ALKBH6: variants seen among roughly 807,000 people sequenced by gnomAD.
The protein encoded by ALKBH6 is alkB homolog 6, nucleotide demethylase, also known as probable RNA/DNA demethylase ALKBH6.
In ALKBH6, 20 loss-of-function variants were observed where a neutral mutation model predicts 25.1. That is an observed-to-expected ratio of 0.80 (90% CI 0.56 to 1.16). The LOEUF is 1.16. ALKBH6 is among the 50% of genes most tolerant of loss of function. The pLI is 0.00. For synonymous variants in ALKBH6, 156 were observed against 147.5 expected (o/e 1.06, Z -0.42); for missense variants, 263 against 326.5 (o/e 0.81, Z 1.50).
In ALKBH6 at chr19:36,009,353, C is replaced by T. The variant is rs1310406419; in HGVS notation, c.654G>A (p.Arg218=). Residue 218 remains arginine, a synonymous_variant, in exon 7 of 7, where the codon CGG becomes CGA. Coordinates refer to ENST00000378875, the MANE Select transcript of ALKBH6 (RefSeq NM_032878.5). The stretch of plus-strand genomic sequence containing the variant: ...GCACGCGGCGGATGGTCAGCGAGAC[C>T]CGGGTGCCGCGCACCAGGCAGGCTC... ...RPGACLVRGT[R]VSLTIRRVPR... The T allele has an allele frequency of 7.6e-6, 10 of 1,307,830 alleles. No individual in the cohort carries two copies. Among genetic ancestry groups the T allele is most frequent in the Non-Finnish European group, 9.7e-6 (10 of 1,027,942 alleles). 81.0% of individuals were successfully genotyped at this position (1,307,830 alleles called of 1,614,324 possible). A position where few individuals can be genotyped will look rare whatever the true frequency, so the allele number is the denominator to read the frequency against.
Position 36,010,807 on chromosome 19 carries a change from A to G in ALKBH6, c.336+87T>C. The stretch of plus-strand genomic sequence containing the variant: ...GCCTGTTTGGGAGATGTGGCTGCCT[A>G]ATGAGTGAGGGTGGGTACAGAGTCC... On this transcript the variant is annotated intron_variant, in intron 5 of 6. Transcript: ENST00000378875. This position sits in a 1 kb window ranked among gnomAD's most constrained non-coding sequence, Gnocchi z 5.5. 1 of 1,579,410 alleles carries G rather than the reference A, an allele frequency of 6.3e-7. No individual in the cohort carries two copies. Among genetic ancestry groups the G allele is most frequent in the Non-Finnish European group, 8.7e-7 (1 of 1,149,660 alleles).
In ALKBH6 at chr19:36,009,183, T is replaced by C. The variant is rs879139101; in HGVS notation, c.*107A>G. 121 of 1,212,238 alleles carry C rather than the reference T, an allele frequency of 1.0e-4. No individual in the cohort carries two copies. The East Asian group carries it at 3.3e-3, about 33-fold the overall frequency. 75.1% of individuals were successfully genotyped at this position (1,212,238 alleles called of 1,614,324 possible). On this transcript the variant is annotated 3_prime_UTR_variant, in exon 7 of 7. Transcript: ENST00000378875. Reference sequence around the variant, plus strand: ...AGCTCACACAAAATTATTGGGAAAATAAATAACCCAGGGGAGCCCCCTTTG... The same window carrying C: ...AGCTCACACAAAATTATTGGGAAAACAAATAACCCAGGGGAGCCCCCTTTG...
rs201735546 is a variant in ALKBH6, at chr19:36,013,025, C to T, written c.119G>A (p.Arg40Gln). 3.7e-6 allele frequency: 6 copies of T among 1,613,496 alleles called. No homozygotes were observed. Among genetic ancestry groups the T allele is most frequent in the East Asian group, 2.2e-5 (1 of 44,878 alleles). Residue 40 changes from arginine to glutamine, a missense_variant, in exon 3 of 7, where the codon CGA becomes CAA. By Grantham distance (43) the Arg-to-Gln change is conservative (BLOSUM62 1). Coordinates refer to ENST00000378875, the MANE Select transcript of ALKBH6 (RefSeq NM_032878.5). The surrounding 1 kb of genome is among the most constrained non-coding windows in gnomAD (Gnocchi z 4.6). ...CCAGTAGGGCACTGAGGTCACCTGT[C>T]GAAGCAAATACTCCTCCTCTTCTTT... is the stretch of plus-strand genomic sequence containing the variant. ...ISKEEEEYLL[R>Q]QVFNAPKPKW...
In ALKBH6 at chr19:36,013,238, T is replaced by C. The variant is rs1968666243; in HGVS notation, c.54+106A>G. 1.3e-6 allele frequency: 2 copies of C among 1,505,248 alleles called. No individual in the cohort carries two copies. Among genetic ancestry groups the C allele is most frequent in the East Asian group, 4.5e-5 (2 of 44,262 alleles). The allele number at this position is 1,505,248 out of a possible 1,614,324, so 93.2% of individuals were successfully genotyped here. On this transcript the variant is annotated intron_variant, in intron 2 of 6. Transcript: ENST00000378875. The surrounding 1 kb of genome is among the most constrained non-coding windows in gnomAD (Gnocchi z 4.6). ...TCAAGGGACCAGTGCCATTCCAGAATGGACTCTGACAGTAAGAATGAATTT... is the reference window on the plus strand; with the variant it reads ...TCAAGGGACCAGTGCCATTCCAGAACGGACTCTGACAGTAAGAATGAATTT...
rs752967910 is a variant in ALKBH6 at position 36,013,101 on chromosome 19, A to G, written c.55-12T>C. 6.2e-7 allele frequency: 1 copy of G among 1,612,650 alleles called. No individual in the cohort carries two copies. The highest frequency in any genetic ancestry group is 1.1e-5 in the South Asian group (1 of 91,062). Reference sequence around the variant, plus strand: ...ATTACAGGTGGTGCCTAGGATAGAAAGACCCCCTGAAGGTGTGGCCCTTCA... The same window carrying G: ...ATTACAGGTGGTGCCTAGGATAGAAGGACCCCCTGAAGGTGTGGCCCTTCA... On this transcript the variant is annotated splice_polypyrimidine_tract_variant and intron_variant, in intron 2 of 6. Transcript: ENST00000378875. The surrounding 1 kb of genome is among the most constrained non-coding windows in gnomAD (Gnocchi z 4.6).
At chr19:36,009,608 G>GTGCTGGGGGGGGGGGGGGGGGGCC in intron 6 of ALKBH6, 55 bp from the exon 7 acceptor site, 1 of 336,932 alleles carries the variant, frequency 3.0e-6, no homozygotes, top group Non-Finnish European at 4.5e-6. Flanking sequence ...GTGGGGGTGG[G>GTGCTGGGGGGGGGGGGGGGGGGCC]CGAGAGGTCG....
In ALKBH6 at chr19:36,009,389, C is replaced by T. The variant is rs909548117; in HGVS notation, c.618G>A (p.Ser206=). 1 of 1,257,012 alleles carries T rather than the reference C, an allele frequency of 8.0e-7. No homozygotes were observed. The highest frequency in any genetic ancestry group is 1.0e-6 in the Non-Finnish European group (1 of 1,002,316). The allele number at this position is 1,257,012 out of a possible 1,614,324, so 77.9% of individuals were successfully genotyped here. A position where few individuals can be genotyped will look rare whatever the true frequency, so the allele number is the denominator to read the frequency against. Residue 206 remains serine, a synonymous_variant, in exon 7 of 7, where the codon TCG becomes TCA. Coordinates refer to ENST00000378875, the MANE Select transcript of ALKBH6 (RefSeq NM_032878.5). ...SSPPNAAACP[S]ARPGACLVRG... is the part of the protein sequence containing the mutation. Reference sequence around the variant, plus strand: ...GCACCAGGCAGGCTCCCGGCCGCGCCGACGGGCAGGCTGCCGCATTGGGCG... The same window carrying T: ...GCACCAGGCAGGCTCCCGGCCGCGCTGACGGGCAGGCTGCCGCATTGGGCG...
intron 3 of ALKBH6, 48 bp downstream of exon 3, chr19:36,012,973 G>C (rs1024867195): frequency 6.5e-6 from 10 of 1,547,786 alleles, no homozygotes; most frequent in Non-Finnish European, 8.0e-6. Flanking sequence ...ACATTGGGGA[G>C]GAATATGGGA....
rs575786004 is a variant in ALKBH6, at chr19:36,011,112, G to A, written c.185-67C>T. 432 of 1,538,260 alleles carry A rather than the reference G, an allele frequency of 2.8e-4. 6 individuals carry two copies. In the South Asian group the frequency reaches 5.0e-3, roughly 18 times the overall value. On this transcript the variant is annotated intron_variant, in intron 4 of 6. Coordinates refer to ENST00000378875, the MANE Select transcript of ALKBH6 (RefSeq NM_032878.5). ...TAGATCCCCCATTAGGGATTCCACA[G>A]TGGCTGGAAGCACCCTGATCCTCTC...
chr19:36,012,720 GGCTATTTTA>G, intron 3 of ALKBH6: 1 of 366,076 alleles, frequency 2.7e-6, no homozygotes, highest in Non-Finnish European at 5.1e-6. Context: ...GTCTATGCTG[GGCTATTTTA>G]GCACAGGAAA....
rs1416755909 is a variant in ALKBH6 at position 36,013,328 on chromosome 19, C to A, written c.54+16G>T. ...AGCCTGCCTCCTTCACCCTCTGCAC[C>A]CTGAGTTCTGACAACCTGCTCCACT... On this transcript the variant is annotated intron_variant, in intron 2 of 6. Transcript: ENST00000378875. The surrounding 1 kb of genome is among the most constrained non-coding windows in gnomAD (Gnocchi z 4.6). 1.2e-6 allele frequency: 2 copies of A among 1,613,978 alleles called. No homozygotes were observed. The highest frequency in any genetic ancestry group is 1.7e-6 in the Non-Finnish European group (2 of 1,179,934).
At position 36,013,985 on chromosome 19, in the gene ALKBH6, C is replaced by A; in HGVS notation, c.-26+190G>T. On this transcript the variant is annotated intron_variant, in intron 1 of 6. Transcript: ENST00000378875. The surrounding 1 kb of genome is among the most constrained non-coding windows in gnomAD (Gnocchi z 4.6). Reference sequence around the variant, plus strand: ...CCTGAGCGCCCCTTCACTCCAGCACCCTGAGATCTTTAGCTCTGAGGCTGA... The same window carrying A: ...CCTGAGCGCCCCTTCACTCCAGCACACTGAGATCTTTAGCTCTGAGGCTGA... 7.1e-7 allele frequency: 1 copy of A among 1,409,156 alleles called. No individual in the cohort carries two copies. Among genetic ancestry groups the A allele is most frequent in the Non-Finnish European group, 9.2e-7 (1 of 1,086,796 alleles). 87.3% of individuals were successfully genotyped at this position (1,409,156 alleles called of 1,614,324 possible).
Position 36,010,952 on chromosome 19 carries a change from C to T in ALKBH6, c.278G>A (p.Gly93Glu), listed in dbSNP as rs2145370568. ...VDKVSNLSLF[G>E]GLPANHVLVN... ...GAGGACATGGTTAGCTGGGAGGCCT[C>T]CAAAGAGGCTGAGGTTTGACACTTT... Residue 93 changes from glycine to glutamate, a missense_variant, in exon 5 of 7, where the codon GGA becomes GAA. Gly to Glu is a moderately conservative substitution (Grantham distance 98). Coordinates refer to ENST00000378875, the MANE Select transcript of ALKBH6 (RefSeq NM_032878.5). This position sits in a 1 kb window ranked among gnomAD's most constrained non-coding sequence, Gnocchi z 5.5. 1 of 1,614,062 alleles carries T rather than the reference C, an allele frequency of 6.2e-7. No homozygotes were observed. The highest frequency in any genetic ancestry group is 2.2e-5 in the East Asian group (1 of 44,876).
At position 36,010,434 on chromosome 19, in the gene ALKBH6, C is replaced by T. The variant is rs1039209439; in HGVS notation, c.453+133G>A. The T allele has an allele frequency of 3.8e-6, 3 of 793,492 alleles. No individual in the cohort carries two copies. The highest frequency in any genetic ancestry group is 3.4e-5 in the African/African-American group (2 of 58,952). 49.2% of individuals were successfully genotyped at this position (793,492 alleles called of 1,614,324 possible). On this transcript the variant is annotated intron_variant, in intron 6 of 6. Coordinates refer to ENST00000378875, the MANE Select transcript of ALKBH6 (RefSeq NM_032878.5). The surrounding 1 kb of genome is among the most constrained non-coding windows in gnomAD (Gnocchi z 5.5). ...GGTGTCTGGGAGGAAGTGGGTACAC[C>T]CCATGAGGGGACAAGGGAAGGTATC...
chr19:36,013,691 C>A lies in ALKBH6; in HGVS notation c.-25-269G>T. ...CACATATGCCTTCTCAATCCTCCCA[C>A]AGAGAACATTCTCTGGCCCCACACA... On this transcript the variant is annotated intron_variant, in intron 1 of 6. Coordinates refer to ENST00000378875, the MANE Select transcript of ALKBH6 (RefSeq NM_032878.5). The surrounding 1 kb of genome is among the most constrained non-coding windows in gnomAD (Gnocchi z 4.6). 2 of 1,323,988 alleles carry A rather than the reference C, an allele frequency of 1.5e-6. No individual in the cohort carries two copies. The highest frequency in any genetic ancestry group is 9.7e-7 in the Non-Finnish European group (1 of 1,034,194). 82.0% of individuals were successfully genotyped at this position (1,323,988 alleles called of 1,614,324 possible). A position where few individuals can be genotyped will look rare whatever the true frequency, so the allele number is the denominator to read the frequency against.
In ALKBH6 at chr19:36,009,404, C is replaced by G; in HGVS notation, c.603G>C (p.Ala201=). ...ALDAASSPPN[A]AACPSARPGA... is the part of the protein sequence containing the mutation. ...CCGGCCGCGCCGACGGGCAGGCTGC[C>G]GCATTGGGCGGCGAGGAGGCGGCGT... is the stretch of plus-strand genomic sequence containing the variant. Residue 201 remains alanine (A), a synonymous_variant, in exon 7 of 7, where the codon GCG becomes GCC. Coordinates refer to ENST00000378875, the MANE Select transcript of ALKBH6 (RefSeq NM_032878.5). 3 of 1,249,856 alleles carry G rather than the reference C, an allele frequency of 2.4e-6. No individual in the cohort carries two copies. Among genetic ancestry groups the G allele is most frequent in the Non-Finnish European group, 3.0e-6 (3 of 998,580 alleles). The allele number at this position is 1,249,856 out of a possible 1,614,324, so 77.4% of individuals were successfully genotyped here. A position where few individuals can be genotyped will look rare whatever the true frequency, so the allele number is the denominator to read the frequency against.
At position 36,013,924 on chromosome 19, in the gene ALKBH6, G is replaced by T; in HGVS notation, c.-26+251C>A. ...AGACATGTCCACCCTCAGCCTCCTC[G>T]GATCCCCCCATTTGGACGCCCCTCG... On this transcript the variant is annotated intron_variant, in intron 1 of 6. Coordinates refer to ENST00000378875, the MANE Select transcript of ALKBH6 (RefSeq NM_032878.5). This position sits in a 1 kb window ranked among gnomAD's most constrained non-coding sequence, Gnocchi z 4.6. 7.4e-7 allele frequency: 1 copy of T among 1,350,486 alleles called. No homozygotes were observed. The highest frequency in any genetic ancestry group is 9.5e-7 in the Non-Finnish European group (1 of 1,056,984). 83.7% of individuals were successfully genotyped at this position (1,350,486 alleles called of 1,614,324 possible).
At position 36,010,380 on chromosome 19, in the gene ALKBH6, GGACA is replaced by G; in HGVS notation, c.453+183_453+186del. 1 of 646,848 alleles carries G rather than the reference GGACA, an allele frequency of 1.5e-6. No homozygotes were observed. Among genetic ancestry groups the G allele is most frequent in the East Asian group, 2.6e-5 (1 of 38,886 alleles). 40.1% of individuals were successfully genotyped at this position (646,848 alleles called of 1,614,324 possible). A position where few individuals can be genotyped will look rare whatever the true frequency, so the allele number is the denominator to read the frequency against. ...GAGCCTGTGAAAATCATGGCATGTG[GGACA>G]GACACCCTGTAAGCAGATGGGTTGG... On this transcript the variant is annotated intron_variant, in intron 6 of 6. Transcript: ENST00000378875. The surrounding 1 kb of genome is among the most constrained non-coding windows in gnomAD (Gnocchi z 5.5).
chr19:36,012,145 G>A (rs1361569656), intron 3 of ALKBH6: 2 of 152,284 alleles, frequency 1.3e-5, no homozygotes, highest in Non-Finnish European at 2.9e-5. Flanking sequence ...GGGCGACAGA[G>A]CAAGATTGTC....
Sources: gnomAD v4.1 joint callset for allele counts on GRCh38, gnomAD v4.1.1 for gene constraint, Gnocchi (gnomAD v3.1) non-coding constraint, MANE v1.5 for transcripts, NCBI Gene and HGNC (gene_info 2026-07-23, HGNC 2026-07-21) for gene names.